The following KANSL2 variants were observed in gnomAD, a reference collection of about 807,000 sequenced individuals.
The protein encoded by KANSL2 is NSL complex protein NSL2.
KANSL2 carries 34 observed loss-of-function variants against 55.6 expected under a neutral mutation model. The ratio of observed to expected loss-of-function variants is 0.61; its 90% CI spans 0.46 to 0.81. The LOEUF is 0.81. Among genes scored for constraint, KANSL2 ranks in the 40% least tolerant of loss-of-function variants. The pLI is 0.00. For synonymous variants in KANSL2, 209 were observed against 214.3 expected (o/e 0.98, Z 0.22); for missense variants, 502 against 609.9 (o/e 0.82, Z 1.86).
chr12:48,654,829 T>C, intron 9 of KANSL2, 112 bp downstream of exon 9: 2 of 1,064,590 alleles, frequency 1.9e-6, no homozygotes, highest in African/African-American at 1.6e-5. Context: ...AGCATCTTTA[T>C]ACTAGTGATG....
intron 7 of KANSL2, among the ~76,000 whole-genome samples, chr12:48,666,952 G>A (rs1362571295): frequency 2.6e-5 from 4 of 151,424 alleles, no homozygotes; most frequent in East Asian, 3.9e-4. Context: ...AAGCCAAGGC[G>A]GGTGGATCAC....
chr12:48,671,895 A>C lies in KANSL2; in HGVS notation c.613T>G (p.Ser205Ala). 6.2e-7 allele frequency: 1 copy of C among 1,611,902 alleles called. No homozygotes were observed. Among genetic ancestry groups the C allele is most frequent in the East Asian group, 2.2e-5 (1 of 44,822 alleles). Residue 205 changes from serine to alanine, a missense_variant, in exon 5 of 10, where the codon TCG becomes GCG. Physicochemically the swap from Ser to Ala is moderately conservative, Grantham distance 99. Coordinates refer to ENST00000420613, the MANE Select transcript of KANSL2 (RefSeq NM_017822.4). ...CGTTTAAACTGATCAATATACAACG[A>C]CTGCAAACGAATTAGCTTTTCACGC... ...IMREKLIRLQSLYIDQFKRLQ... is the reference protein window; with the variant it reads ...IMREKLIRLQALYIDQFKRLQ...
intron 7 of KANSL2, among the ~76,000 whole-genome samples, chr12:48,663,913 C>CTTTTTTT (rs34879709): frequency 1.8e-5 from 2 of 112,550 alleles, no homozygotes; most frequent in African/African-American, 3.1e-5. Flanking sequence ...AACTATTAGC[C>CTTTTTTT]TTTTTTTTTT....
intron 5 of KANSL2, 49 bp downstream of exon 5, chr12:48,671,750 T>C (rs766870515): frequency 2.3e-5 from 36 of 1,553,322 alleles, no homozygotes; most frequent in South Asian, 1.8e-4. Flanking sequence ...TACTACCAAA[T>C]TCACATGTTA....
intron 8 of KANSL2, among the ~76,000 whole-genome samples, chr12:48,659,174 G>C (rs895719994): frequency 1.3e-5 from 2 of 152,006 alleles, no homozygotes; most frequent in Admixed American, 6.6e-5. Context: ...CACACCTGTA[G>C]TCCCAGCTAC....
At position 48,679,638 on chromosome 12, in the gene KANSL2, G is replaced by A; in HGVS notation, c.430+17C>T. 3.7e-6 allele frequency: 6 copies of A among 1,607,566 alleles called. No homozygotes were observed. Among genetic ancestry groups the A allele is most frequent in the South Asian group, 1.1e-5 (1 of 90,532 alleles). Reference sequence around the variant, plus strand: ...ACTTTCTTCCTCCTTTTTCATTCCAGGAGAGAAGGTCCTTACCTAGTATTC... The same window carrying A: ...ACTTTCTTCCTCCTTTTTCATTCCAAGAGAGAAGGTCCTTACCTAGTATTC... On this transcript the variant is annotated intron_variant, in intron 3 of 9. Coordinates refer to ENST00000420613, the MANE Select transcript of KANSL2 (RefSeq NM_017822.4).
In KANSL2 at chr12:48,681,538, T is replaced by C; in HGVS notation, c.95A>G (p.His32Arg). The C allele has an allele frequency of 6.2e-7, 1 of 1,613,928 alleles. No homozygotes were observed. Among genetic ancestry groups the C allele is most frequent in the Non-Finnish European group, 8.5e-7 (1 of 1,179,882 alleles). ...CAGACGAGGGTGAGAGCATGGACGATGAGTGAATGCACAAGACAGAGGTTC... is the reference window on the plus strand; with the variant it reads ...CAGACGAGGGTGAGAGCATGGACGACGAGTGAATGCACAAGACAGAGGTTC... Reference protein sequence around the residue: ...SQEPLSCAFTHRPCSHPRLEG... With the variant: ...SQEPLSCAFTRRPCSHPRLEG... Residue 32 changes from histidine (H) to arginine (R), a missense_variant, in exon 2 of 10, where the codon CAT becomes CGT. Coordinates refer to ENST00000420613, the MANE Select transcript of KANSL2 (RefSeq NM_017822.4).
chr12:48,653,918 TA>T lies in KANSL2; in HGVS notation c.*125del. On this transcript the variant is annotated 3_prime_UTR_variant, in exon 10 of 10. Coordinates refer to ENST00000420613, the MANE Select transcript of KANSL2 (RefSeq NM_017822.4). ...CAAAATTTGGCTTTACGTTTGACTA[TA>T]ATACTCAATCCAGAAGAAAAACAAG... 1 of 1,062,416 alleles carries T rather than the reference TA, an allele frequency of 9.4e-7. No homozygotes were observed. The highest frequency in any genetic ancestry group is 1.3e-6 in the Non-Finnish European group (1 of 760,894). The allele number at this position is 1,062,416 out of a possible 1,614,324, so 65.8% of individuals were successfully genotyped here. A position where few individuals can be genotyped will look rare whatever the true frequency, so the allele number is the denominator to read the frequency against.
intron 4 of KANSL2, among the ~76,000 whole-genome samples, chr12:48,676,057 T>C (rs1939815088): frequency 3.3e-5 from 5 of 152,284 alleles, no homozygotes; most frequent in African/African-American, 1.2e-4. Flanking sequence ...AATTTAACAA[T>C]TACCTTAAGG....
chr12:48,671,067 G>A (rs1463104166), intron 5 of KANSL2, among the ~76,000 whole-genome samples: 1 of 152,156 alleles, frequency 6.6e-6, no homozygotes, highest in East Asian at 1.9e-4. Context: ...AGTTCCGAGA[G>A]CAGCCTGGCC....
intron 7 of KANSL2, among the ~76,000 whole-genome samples, chr12:48,663,825 A>G (rs756756209): frequency 6.6e-6 from 1 of 152,054 alleles, no homozygotes; most frequent in Non-Finnish European, 1.5e-5. Context: ...CAAATTTTCA[A>G]CTGTGTAGGG....
In KANSL2 at chr12:48,660,525, C is replaced by T. The variant is rs747232555; in HGVS notation, c.1068G>A (p.Glu356=). 6.8e-6 allele frequency: 11 copies of T among 1,613,450 alleles called. 1 individual carries two copies. In the Middle Eastern group the frequency reaches 9.9e-4, roughly 145 times the overall value. ...CNKPVPVSLS[E]DPCCPLHFQL... ...GGAAATGCAGTGGGCAGCAGGGATC[C>T]TCAGAGAGGCTTACAGGAACAGGTT... Residue 356 remains glutamate, a synonymous_variant, in exon 8 of 10, where the codon GAG becomes GAA. Transcript: ENST00000420613.
Position 48,664,547 on chromosome 12 carries a change from G to A in KANSL2, c.973+3146C>T, listed in dbSNP as rs376092991. Among the ~76,000 whole-genome samples the A allele has an allele frequency of 2.3e-4, 35 of 149,494 alleles. No homozygotes were observed. In the East Asian group the frequency reaches 4.1e-3, roughly 18 times the overall value. On this transcript the variant is annotated intron_variant, in intron 7 of 9. Transcript: ENST00000420613. ...CCCGCCTCGGCCTCCCAAAGTGCCG[G>A]GATTACAGGCGTGAGCCACCGCACC...
chr12:48,654,908 T>G, intron 9 of KANSL2, 33 bp downstream of exon 9: 1 of 1,552,446 alleles, frequency 6.4e-7, no homozygotes, highest in Non-Finnish European at 8.7e-7. Context: ...GGTCACTACA[T>G]GAGGGAAACA....
chr12:48,654,356 C>T (rs1939336576), intron 9 of KANSL2, 181 bp from the exon 10 acceptor site: 1 of 810,886 alleles, frequency 1.2e-6, no homozygotes, highest in Non-Finnish European at 2.2e-6. Flanking sequence ...ATTCCTGAGC[C>T]TCTTCCAATG....
chr12:48,660,299 T>G, intron 8 of KANSL2, 67 bp downstream of exon 8: 1 of 1,561,148 alleles, frequency 6.4e-7, no homozygotes. Context: ...GACTAACCTA[T>G]TCTCACCATT....
rs368660077 is a variant in KANSL2, at chr12:48,654,522, A to C, written c.1348-347T>G. The C allele has an allele frequency of 4.1e-4, 255 of 624,316 alleles. 1 individual carries two copies. The African/African-American group carries it at 4.4e-3, about 11-fold the overall frequency. The allele number at this position is 624,316 out of a possible 1,614,324, so 38.7% of individuals were successfully genotyped here. ...GCTGGTCTTCAGTCAGGGCCACTGG[A>C]ATTCTACCCAAGGCTCACGGACAGA... On this transcript the variant is annotated intron_variant, in intron 9 of 9. Transcript: ENST00000420613.
intron 8 of KANSL2, among the ~76,000 whole-genome samples, chr12:48,657,210 G>T (rs980883441): frequency 1.3e-5 from 2 of 152,080 alleles, no homozygotes; most frequent in African/African-American, 4.8e-5. Flanking sequence ...GTGAAACCCA[G>T]TCTCCACAAA....
intron 6 of KANSL2, among the ~76,000 whole-genome samples, chr12:48,668,634 T>C (rs1002390353): frequency 6.6e-5 from 10 of 151,974 alleles, no homozygotes; most frequent in Admixed American, 6.6e-4. Flanking sequence ...AGGAGGTGGA[T>C]GCTGCGGTGA....
Sources: allele counts gnomAD v4.1 joint callset (sites outside exome capture counted in the v4.1 genomes callset), GRCh38; gene constraint gnomAD v4.1.1; transcripts MANE v1.5; gene names NCBI Gene and HGNC (gene_info 2026-07-23, HGNC 2026-07-21).